STAG1: variants seen among roughly 807,000 people sequenced by gnomAD.
The protein encoded by STAG1 is STAG1 cohesin complex component.
Under a neutral mutation model 170.9 loss-of-function variants are expected in STAG1, and 26 were observed. The observed-to-expected ratio is 0.15, with a 90% confidence interval of 0.11 to 0.21. The LOEUF is 0.21. Ranked by LOEUF, STAG1 falls within the 10% of genes least tolerant of loss-of-function variation. The pLI is 1.00. For missense variants in STAG1, 964 were observed against 1,509.5 expected (o/e 0.64, Z 5.99); for synonymous variants, 514 against 497.7 (o/e 1.03, Z -0.44).
At chr3:136,412,003 C>T (rs2087637307) in intron 21 of STAG1, among the ~76,000 whole-genome samples, 1 of 149,756 alleles carries the variant, frequency 6.7e-6, no homozygotes, top group South Asian at 2.1e-4. Flanking sequence ...GCCTGGGTGA[C>T]AGAACGAGAC....
chr3:136,477,829 C>A (rs894848606), intron 9 of STAG1, among the ~76,000 whole-genome samples: 1 of 152,124 alleles, frequency 6.6e-6, no homozygotes, highest in East Asian at 1.9e-4. Context: ...CTTGCTCTGT[C>A]GCTCATGCTG....
intron 3 of STAG1, among the ~76,000 whole-genome samples, chr3:136,619,673 C>A (rs1435889252): frequency 7.2e-6 from 1 of 138,818 alleles, no homozygotes; most frequent in African/African-American, 2.7e-5. Context: ...GGGAGAATTG[C>A]TTGAACCTGG....
chr3:136,726,074 C>T (rs1351189421), intron 1 of STAG1, among the ~76,000 whole-genome samples: 1 of 152,204 alleles, frequency 6.6e-6, no homozygotes, highest in Non-Finnish European at 1.5e-5. Context: ...CTAACCCTCC[C>T]TCTTGCATTC....
At chr3:136,608,398 AT>A (rs1939071414) in intron 3 of STAG1, among the ~76,000 whole-genome samples, 1 of 136,354 alleles carries the variant, frequency 7.3e-6, no homozygotes, top group Non-Finnish European at 1.6e-5. Context: ...TAGGGTAGTA[AT>A]GTGTGCCTGT....
intron 7 of STAG1, among the ~76,000 whole-genome samples, chr3:136,515,871 A>C (rs1214863420): frequency 6.6e-6 from 1 of 152,230 alleles, no homozygotes; most frequent in Non-Finnish European, 1.5e-5. Flanking sequence ...CGAGAACATC[A>C]GAAGTCTGTT....
chr3:136,405,954 C>T (rs186928521), intron 21 of STAG1, among the ~76,000 whole-genome samples: 1 of 152,168 alleles, frequency 6.6e-6, no homozygotes, highest in Admixed American at 6.5e-5. Context: ...CAGAATGGTA[C>T]AGCCACTCTG....
At chr3:136,686,332 T>G (rs955200655) in intron 1 of STAG1, among the ~76,000 whole-genome samples, 2 of 152,168 alleles carry the variant, frequency 1.3e-5, no homozygotes, top group Admixed American at 6.5e-5. Flanking sequence ...TCTCTCAGTG[T>G]GGAAATGGAT....
At chr3:136,583,446 T>C (rs1937645149) in intron 4 of STAG1, among the ~76,000 whole-genome samples, 1 of 152,152 alleles carries the variant, frequency 6.6e-6, no homozygotes, top group Non-Finnish European at 1.5e-5. Flanking sequence ...ATTAAAATAA[T>C]TTGTAGAACA....
Position 136,398,849 on chromosome 3 carries a change from A to T in STAG1, c.2197-20T>A, listed in dbSNP as rs768165841. ...GACTATCTGTATCAAATGAAAAAAA[A>T]TTTTTTTAATGAAAAATTCAAAAAA... On this transcript the variant is annotated intron_variant, in intron 21 of 33. Coordinates refer to ENST00000383202, the MANE Select transcript of STAG1 (RefSeq NM_005862.3). The T allele has an allele frequency of 6.6e-6, 10 of 1,508,154 alleles. No homozygotes were observed. Among genetic ancestry groups the T allele is most frequent in the African/African-American group, 5.7e-5 (4 of 70,368 alleles). The allele number at this position is 1,508,154 out of a possible 1,614,324, so 93.4% of individuals were successfully genotyped here. A position where few individuals can be genotyped will look rare whatever the true frequency, so the allele number is the denominator to read the frequency against.
intron 1 of STAG1, among the ~76,000 whole-genome samples, chr3:136,640,447 C>CA (rs997928927): frequency 2.0e-5 from 3 of 151,558 alleles, no homozygotes; most frequent in Non-Finnish European, 4.4e-5. Flanking sequence ...CGGCTCACTG[C>CA]AACCTCCACC....
At chr3:136,384,714 G>A (rs926078544) in intron 22 of STAG1, among the ~76,000 whole-genome samples, 2 of 151,536 alleles carry the variant, frequency 1.3e-5, no homozygotes, top group Non-Finnish European at 2.9e-5. Context: ...GTTGCAGTAA[G>A]CTGAGATTAC....
intron 23 of STAG1, among the ~76,000 whole-genome samples, chr3:136,376,021 T>TTAAC (rs1560069467): frequency 1.6e-4 from 23 of 144,162 alleles, no homozygotes; most frequent in African/African-American, 5.3e-4. Context: ...ATTAACAAAA[T>TTAAC]AAAATAAAAT....
chr3:136,642,038 C>A (rs1196282459), intron 1 of STAG1, among the ~76,000 whole-genome samples: 1 of 152,050 alleles, frequency 6.6e-6, no homozygotes, highest in Non-Finnish European at 1.5e-5. Context: ...CAACTTTCTC[C>A]CCAAGGTTCA....
chr3:136,496,810 C>T (rs1016792228), intron 9 of STAG1, among the ~76,000 whole-genome samples: 1 of 150,434 alleles, frequency 6.6e-6, no homozygotes, highest in Non-Finnish European at 1.5e-5. Flanking sequence ...AAATAGAAAA[C>T]AAAAATAATA....
chr3:136,613,313 C>CAAAAAAAAAAA (rs60449608), intron 3 of STAG1, among the ~76,000 whole-genome samples: 751 of 59,728 alleles, frequency 0.013, 81 homozygotes, highest in Non-Finnish European at 0.015. Context: ...GACTCCGTCT[C>CAAAAAAAAAAA]AAAAAAAAAA....
chr3:136,582,670 G>A (rs970875655), intron 4 of STAG1, among the ~76,000 whole-genome samples: 4 of 152,080 alleles, frequency 2.6e-5, no homozygotes, highest in East Asian at 1.9e-4. Flanking sequence ...GTGGTGGTGC[G>A]TGCCTGTAGT....
At chr3:136,362,625 A>G (rs917868939) in intron 26 of STAG1, among the ~76,000 whole-genome samples, 4 of 150,910 alleles carry the variant, frequency 2.7e-5, no homozygotes, top group African/African-American at 9.7e-5. Context: ...AAAAAAAAGA[A>G]AAAAAAAGAA....
chr3:136,401,124 AAT>A (rs144293454), intron 21 of STAG1, among the ~76,000 whole-genome samples: 395 of 152,340 alleles, frequency 2.6e-3, no homozygotes, highest in Non-Finnish European at 4.0e-3. Flanking sequence ...GTAAAAAGGA[AAT>A]AACATCTTGA....
chr3:136,677,078 T>C (rs1942149037), intron 1 of STAG1, among the ~76,000 whole-genome samples: 1 of 152,180 alleles, frequency 6.6e-6, no homozygotes, highest in African/African-American at 2.4e-5. Context: ...TGCCAGAGAC[T>C]GTTTTACAGT....
Sources: gnomAD v4.1 joint callset for allele counts (sites outside exome capture counted in the v4.1 genomes callset) on GRCh38, gnomAD v4.1.1 for gene constraint, MANE v1.5 for transcripts, NCBI Gene and HGNC (gene_info 2026-07-23, HGNC 2026-07-21) for gene names.